The following GGCT variants were observed in gnomAD, a reference collection of about 807,000 sequenced individuals.
GGCT encodes gamma-glutamylcyclotransferase.
In GGCT, 20 loss-of-function variants were observed where a neutral mutation model predicts 22.1. The observed-to-expected ratio is 0.91, with a 90% confidence interval of 0.64 to 1.32. The LOEUF (loss-of-function observed/expected upper bound fraction) is 1.32, where lower values mean the gene tolerates loss of function less well. GGCT is among the 40% of genes most tolerant of loss of function. The pLI is 0.00. For missense variants in GGCT, 209 were observed against 223.5 expected (o/e 0.94, Z 0.41); for synonymous variants, 72 against 78.4 (o/e 0.92, Z 0.43).
At chr7:30,501,451 T>TACCC (rs899963756) in intron 1 of GGCT, among the ~76,000 whole-genome samples, 1 of 152,200 alleles carries the variant, frequency 6.6e-6, no homozygotes, top group Non-Finnish European at 1.5e-5. Context: ...AACTTTCTTA[T>TACCC]ACCCATTTTA....
chr7:30,500,037 G>T (rs1430267153), intron 2 of GGCT, among the ~76,000 whole-genome samples: 2 of 152,116 alleles, frequency 1.3e-5, no homozygotes, highest in African/African-American at 4.8e-5. Context: ...ACTTTTCTTT[G>T]TATGAAATGC....
chr7:30,499,410 G>GA (rs879516798), intron 2 of GGCT, among the ~76,000 whole-genome samples: 24 of 133,652 alleles, frequency 1.8e-4, no homozygotes, highest in South Asian at 5.2e-4. Flanking sequence ...ATCTCAAAAA[G>GA]AAAAAAAAAA....
At chr7:30,497,589 C>A (rs1044107855) in intron 3 of GGCT, 1 of 426,100 alleles carries the variant, frequency 2.3e-6, no homozygotes, top group Non-Finnish European at 4.0e-6. Context: ...AGAGCAGTTT[C>A]GGTTACAACG....
At position 30,499,551 on chromosome 7, in the gene GGCT, A is replaced by AC. The variant is rs1491325077; in HGVS notation, c.288-614dup. Among the ~76,000 whole-genome samples, 39 of 151,884 alleles carry AC rather than the reference A, an allele frequency of 2.6e-4. 1 individual carries two copies. Among genetic ancestry groups the AC allele is most frequent in the African/African-American group, 9.2e-4 (38 of 41,422 alleles). ...AAACCTTGTCTCTACTAAAAAAAAA[A>AC]CACACAAAAAATTAGTCCGACATGG... On this transcript the variant is annotated intron_variant, in intron 2 of 3. Transcript: ENST00000275428.
chr7:30,499,213 G>T (rs1262390528), intron 2 of GGCT, among the ~76,000 whole-genome samples: 1 of 152,002 alleles, frequency 6.6e-6, no homozygotes, highest in Non-Finnish European at 1.5e-5. Flanking sequence ...TTCAAGACCA[G>T]CCTGGCCAAC....
chr7:30,500,679 A>G lies in GGCT; in HGVS notation c.144T>C (p.Asp48=). 1 of 1,613,530 alleles carries G rather than the reference A, an allele frequency of 6.2e-7. No individual in the cohort carries two copies. The change falls in exon 2 of 4, where the codon GAT becomes GAC. Residue 48 remains aspartate, a splice_region_variant and synonymous_variant. Transcript: ENST00000275428. ...AAFFCVARLQ[D]FKLDFGNSQG... ...GGGAATTGCCAAAGTCAAGCTTAAA[A>G]TCCTACAAAGGAAATCAAAGTGATA...
intron 3 of GGCT, chr7:30,497,537 GA>G (rs11423950): frequency 2.7e-6 from 1 of 369,278 alleles, no homozygotes; most frequent in Non-Finnish European, 4.8e-6. Flanking sequence ...GACCTTTTAA[GA>G]AAAAAAATAC....
At chr7:30,498,049 A>G (rs1314627199) in intron 3 of GGCT, among the ~76,000 whole-genome samples, 1 of 148,024 alleles carries the variant, frequency 6.8e-6, no homozygotes. Context: ...ATACATATAT[A>G]TACATATATG....
In GGCT at chr7:30,498,798, C is replaced by G; in HGVS notation, c.423+5G>C. On this transcript the variant is annotated splice_donor_5th_base_variant and intron_variant, in intron 3 of 3. Coordinates refer to ENST00000275428, the MANE Select transcript of GGCT (RefSeq NM_024051.4). ...GTAATCACCACCAGTCTGTAAATAG[C>G]TTACCTTTTTATACTGTGGGGATGG... 1 of 1,609,868 alleles carries G rather than the reference C, an allele frequency of 6.2e-7. No individual in the cohort carries two copies. Among genetic ancestry groups the G allele is most frequent in the Admixed American group, 1.7e-5 (1 of 59,884 alleles).
intron 2 of GGCT, 93 bp from the exon 3 acceptor site, chr7:30,499,031 G>T: frequency 9.0e-7 from 1 of 1,106,434 alleles, no homozygotes. Flanking sequence ...GATGGTGTAT[G>T]GGATTAAACA....
chr7:30,504,118 G>A (rs4259), intron 1 of GGCT, among the ~76,000 whole-genome samples: 99,584 of 152,142 alleles, frequency 0.65, 33,097 homozygotes, highest in Middle Eastern at 0.72. Context: ...ATAAGACATG[G>A]TCCCAGCTTT....
intron 3 of GGCT, 68 bp downstream of exon 3, chr7:30,498,735 C>A (rs1030366001): frequency 4.3e-6 from 6 of 1,404,242 alleles, no homozygotes; most frequent in Admixed American, 3.8e-5. Flanking sequence ...CTTTTAAAAA[C>A]AATATATTCT....
At chr7:30,498,985 T>G (rs763366716) in intron 2 of GGCT, 47 bp from the exon 3 acceptor site, 13 of 1,588,264 alleles carry the variant, frequency 8.2e-6, no homozygotes, top group Non-Finnish European at 1.1e-5. Flanking sequence ...CCTAGCCAAT[T>G]TAGCTCACTG....
intron 3 of GGCT, 44 bp from the exon 4 acceptor site, chr7:30,497,279 A>G (rs1264312140): frequency 5.3e-6 from 8 of 1,499,194 alleles, no homozygotes; most frequent in Non-Finnish European, 5.5e-6. Flanking sequence ...CCTTTCAGTT[A>G]GGAATATAAT....
At chr7:30,499,631 G>A (rs1789648677) in intron 2 of GGCT, among the ~76,000 whole-genome samples, 1 of 151,920 alleles carries the variant, frequency 6.6e-6, no homozygotes, top group South Asian at 2.1e-4. Context: ...AGAATCACTG[G>A]AACCCGGGAG....
At chr7:30,497,257 A>G in intron 3 of GGCT, 22 bp from the exon 4 acceptor site, 1 of 1,575,300 alleles carries the variant, frequency 6.3e-7, no homozygotes, top group Non-Finnish European at 8.6e-7. Context: ...TAAAACAAAC[A>G]GACAAAAAAA....
intron 1 of GGCT, among the ~76,000 whole-genome samples, chr7:30,503,182 T>C (rs1562743346): frequency 1.3e-5 from 2 of 152,222 alleles, no homozygotes; most frequent in Non-Finnish European, 2.9e-5. Flanking sequence ...TTAGGTCAGG[T>C]ACCCTGGTCA....
chr7:30,498,773 G>A (rs758964744), intron 3 of GGCT, 30 bp downstream of exon 3: 4 of 1,579,694 alleles, frequency 2.5e-6, no homozygotes, highest in Non-Finnish European at 1.7e-6. Context: ...AATTTAAAAA[G>A]TAATCACCAC....
At chr7:30,503,665 T>C (rs569342582) in intron 1 of GGCT, among the ~76,000 whole-genome samples, 6 of 152,274 alleles carry the variant, frequency 3.9e-5, no homozygotes, top group Non-Finnish European at 1.5e-5. Context: ...TTCTGTTGTG[T>C]GATGCCCACT....
Sources: gnomAD v4.1 joint callset for allele counts (sites outside exome capture counted in the v4.1 genomes callset) on GRCh38, gnomAD v4.1.1 for gene constraint, MANE v1.5 for transcripts, NCBI Gene and HGNC (gene_info 2026-07-23, HGNC 2026-07-21) for gene names.